The following BTBD9 variants were observed in gnomAD, a reference collection of about 807,000 sequenced individuals.
BTBD9 encodes BTB domain containing 9.
Under a neutral mutation model 64.3 loss-of-function variants are expected in BTBD9, and 49 were observed. The observed-to-expected ratio is 0.76, with a 90% CI of 0.61 to 0.97. BTBD9 has a LOEUF of 0.97. Among genes scored for constraint, BTBD9 ranks in the 50% least tolerant of loss-of-function variants. The pLI is 0.00. For synonymous variants in BTBD9, 260 were observed against 274.7 expected, an observed-to-expected ratio of 0.95 and a Z score of 0.53; for missense variants, 598 against 762.1, an observed-to-expected ratio of 0.78 and a Z score of 2.53.
At chr6:38,262,733 GAAGA>G (rs1216134113) in intron 8 of BTBD9, among the ~76,000 whole-genome samples, 1 of 152,218 alleles carries the variant, frequency 6.6e-6, no homozygotes, top group Non-Finnish European at 1.5e-5. Flanking sequence ...ATCAGTCTGT[GAAGA>G]AAGTTTCCAA....
intron 1 of BTBD9, among the ~76,000 whole-genome samples, chr6:38,621,300 G>A (rs183196915): frequency 1.5e-4 from 23 of 152,280 alleles, no homozygotes; most frequent in Middle Eastern, 3.4e-3. Context: ...GCACATGTGC[G>A]GCCCTCAACC....
chr6:38,561,601 A>G (rs1228345003), intron 6 of BTBD9, among the ~76,000 whole-genome samples: 1 of 152,228 alleles, frequency 6.6e-6, no homozygotes, highest in Non-Finnish European at 1.5e-5. Flanking sequence ...ACACCATGGA[A>G]TAATGCACAG....
At chr6:38,446,342 G>T (rs568805482) in intron 6 of BTBD9, among the ~76,000 whole-genome samples, 2 of 152,012 alleles carry the variant, frequency 1.3e-5, no homozygotes, top group African/African-American at 4.8e-5. Flanking sequence ...AAGAGCAGAA[G>T]TTTAATAGGC....
chr6:38,614,459 C>G (rs1422964350), intron 1 of BTBD9, among the ~76,000 whole-genome samples: 4 of 152,202 alleles, frequency 2.6e-5, no homozygotes, highest in Admixed American at 2.0e-4. Flanking sequence ...ACAAAAGAGG[C>G]CATACAGATA....
intron 9 of BTBD9, among the ~76,000 whole-genome samples, chr6:38,198,302 G>A (rs1190562432): frequency 2.2e-5 from 3 of 136,540 alleles, no homozygotes; most frequent in Admixed American, 7.4e-5. Context: ...TGTGGATCTC[G>A]CAGGTGGTGC....
intron 6 of BTBD9, among the ~76,000 whole-genome samples, chr6:38,461,087 G>C (rs541834052): frequency 3.7e-4 from 56 of 152,342 alleles, no homozygotes; most frequent in African/African-American, 1.3e-3. Context: ...TTGGGGTAAA[G>C]GGAATGGCAC....
rs1316092951 is a variant in BTBD9, at chr6:38,171,593, TGTGTGTGTGTGA to T, written c.*3380_*3391del. ...GTGTGTGTGTGTGTGTGTGTGTGTG[TGTGTGTGTGTGA>T]GAGGGAGAGACGGTGGGGGCGGGGG... is the stretch of plus-strand genomic sequence containing the variant. On this transcript the variant is annotated 3_prime_UTR_variant, in exon 11 of 11. Coordinates refer to ENST00000481247, the MANE Select transcript of BTBD9 (RefSeq NM_001099272.2). 12 of 48,102 alleles carry T rather than the reference TGTGTGTGTGTGA, an allele frequency of 2.5e-4. No homozygotes were observed. Among genetic ancestry groups the T allele is most frequent in the African/African-American group, 8.7e-4 (12 of 13,818 alleles). 3.0% of individuals were successfully genotyped at this position (48,102 alleles called of 1,614,324 possible).
chr6:38,301,973 T>C (rs1412909154), intron 7 of BTBD9, among the ~76,000 whole-genome samples: 2 of 152,254 alleles, frequency 1.3e-5, no homozygotes, highest in Non-Finnish European at 2.9e-5. Context: ...TTTAGATCTT[T>C]CCTGCTTTCT....
intron 6 of BTBD9, among the ~76,000 whole-genome samples, chr6:38,354,120 T>C (rs951275028): frequency 6.6e-6 from 1 of 152,098 alleles, no homozygotes; most frequent in African/African-American, 2.4e-5. Context: ...AAACATTATA[T>C]ACCCTGAGAA....
intron 8 of BTBD9, among the ~76,000 whole-genome samples, chr6:38,276,059 T>C (rs920991544): frequency 7.2e-5 from 11 of 152,312 alleles, no homozygotes; most frequent in South Asian, 2.1e-4. Context: ...CATATGTTTA[T>C]TGCGGCACTA....
At chr6:38,528,291 C>T (rs1773605248) in intron 6 of BTBD9, among the ~76,000 whole-genome samples, 1 of 152,210 alleles carries the variant, frequency 6.6e-6, no homozygotes, top group African/African-American at 2.4e-5. Context: ...CTGGCAAGCC[C>T]TGCCACCACA....
intron 8 of BTBD9, among the ~76,000 whole-genome samples, chr6:38,263,309 C>T (rs192867279): frequency 8.3e-4 from 126 of 152,266 alleles, no homozygotes; most frequent in Admixed American, 1.8e-3. Context: ...CATTAAATGT[C>T]GAGATTTGAT....
chr6:38,299,635 T>C (rs1762307735), intron 7 of BTBD9, among the ~76,000 whole-genome samples: 1 of 152,196 alleles, frequency 6.6e-6, no homozygotes, highest in African/African-American at 2.4e-5. Flanking sequence ...TCATGTGTTT[T>C]TTGGCTGCAT....
At chr6:38,262,315 T>C in intron 8 of BTBD9, among the ~76,000 whole-genome samples, 1 of 152,164 alleles carries the variant, frequency 6.6e-6, no homozygotes, top group East Asian at 1.9e-4. Context: ...TGGCCAAGAT[T>C]TATTGATGCA....
At chr6:38,272,885 G>A (rs998565619) in intron 8 of BTBD9, among the ~76,000 whole-genome samples, 35 of 152,168 alleles carry the variant, frequency 2.3e-4, no homozygotes, top group Admixed American at 2.3e-3. Context: ...CAAGAGGTTT[G>A]CATTGGACAT....
chr6:38,580,098 A>G, intron 5 of BTBD9, 120 bp downstream of exon 5: 1 of 935,300 alleles, frequency 1.1e-6, no homozygotes. Flanking sequence ...CCAACCTTCA[A>G]GAGATAGCAG....
chr6:38,549,123 C>T (rs1332429944), intron 6 of BTBD9, among the ~76,000 whole-genome samples: 2 of 152,264 alleles, frequency 1.3e-5, no homozygotes, highest in Non-Finnish European at 2.9e-5. Context: ...CCTTTTAATG[C>T]TCAGTTTCAT....
At chr6:38,449,480 C>A (rs1187216848) in intron 6 of BTBD9, among the ~76,000 whole-genome samples, 3 of 151,712 alleles carry the variant, frequency 2.0e-5, no homozygotes, top group Non-Finnish European at 4.4e-5. Flanking sequence ...TTACAGCCAA[C>A]AAATTTTTGA....
chr6:38,351,337 C>G (rs1764497560), intron 6 of BTBD9, among the ~76,000 whole-genome samples: 1 of 152,148 alleles, frequency 6.6e-6, no homozygotes, highest in South Asian at 2.1e-4. Context: ...GCTATCATGT[C>G]CTGGCACCTC....
Sources: allele counts gnomAD v4.1 joint callset (sites outside exome capture counted in the v4.1 genomes callset), GRCh38; gene constraint gnomAD v4.1.1; transcripts MANE v1.5; gene names NCBI Gene and HGNC (gene_info 2026-07-23, HGNC 2026-07-21).